Variants in CDC25A observed in about 807,000 individuals in gnomAD.
The protein encoded by CDC25A is cell division cycle 25A.
Under a neutral mutation model 64.6 loss-of-function variants are expected in CDC25A, and 17 were observed. That is an observed-to-expected ratio of 0.26 (90% CI 0.18 to 0.39). The LOEUF is 0.39. Among genes scored for constraint, CDC25A ranks in the 10% least tolerant of loss-of-function variants. The probability of loss-of-function intolerance (pLI) is 1.00; values close to 1 mark genes in which losing one functional copy is unlikely to be tolerated. For synonymous variants in CDC25A, 229 were observed against 238.6 expected (o/e 0.96, Z 0.37); for missense variants, 473 against 654.8 (o/e 0.72, Z 3.03).
intron 13 of CDC25A, among the ~76,000 whole-genome samples, chr3:48,160,766 T>C (rs113105373): frequency 1.3e-5 from 2 of 152,288 alleles, no homozygotes; most frequent in African/African-American, 2.4e-5. Context: ...TGATTTTCTC[T>C]TGAAGCTCAG....
At chr3:48,173,244 A>T (rs2032335552) in intron 9 of CDC25A, among the ~76,000 whole-genome samples, 4 of 152,082 alleles carry the variant, frequency 2.6e-5, no homozygotes, top group Admixed American at 2.6e-4. Context: ...CCTTTATAAA[A>T]ATCAAGTATT....
At chr3:48,167,767 G>T (rs1165923172) in intron 10 of CDC25A, 79 bp downstream of exon 10, 1 of 800,590 alleles carries the variant, frequency 1.2e-6, no homozygotes, top group Non-Finnish European at 2.2e-6. Context: ...ACCACCCTGG[G>T]GAGGGAGACA....
rs895637377 is a variant in CDC25A at position 48,178,853 on chromosome 3, C to G, written c.550-865G>C. Among the ~76,000 whole-genome samples the G allele has an allele frequency of 2.0e-5, 3 of 152,112 alleles. No homozygotes were observed. In the East Asian group the frequency reaches 5.8e-4, roughly 29 times the overall value. ...ATCCACACCTGAAGATAAATCCTAC[C>G]AATACAAACACTGCTAATACTGAAT... On this transcript the variant is annotated intron_variant, in intron 6 of 14. Coordinates refer to ENST00000302506, the MANE Select transcript of CDC25A (RefSeq NM_001789.3).
At chr3:48,164,895 C>T (rs1031748093) in intron 12 of CDC25A, among the ~76,000 whole-genome samples, 1 of 150,926 alleles carries the variant, frequency 6.6e-6, no homozygotes, top group East Asian at 1.9e-4. Context: ...TTTGCCTGAG[C>T]TCAGGAGTTT....
chr3:48,162,534 C>G (rs1475359515), intron 13 of CDC25A, among the ~76,000 whole-genome samples: 2 of 151,980 alleles, frequency 1.3e-5, no homozygotes, highest in Admixed American at 6.6e-5. Context: ...CCAGCCATAA[C>G]CTCACCTCTT....
intron 8 of CDC25A, among the ~76,000 whole-genome samples, chr3:48,176,557 AT>A (rs2032469148): frequency 1.5e-4 from 22 of 145,966 alleles, no homozygotes; most frequent in African/African-American, 3.5e-4. Flanking sequence ...ATATATATAT[AT>A]AAAATATATA....
intron 6 of CDC25A, among the ~76,000 whole-genome samples, chr3:48,179,454 C>T (rs898515272): frequency 4.6e-5 from 7 of 152,168 alleles, no homozygotes; most frequent in African/African-American, 1.7e-4. Flanking sequence ...ACTGCAGCCT[C>T]GAATTCTTGG....
chr3:48,181,089 G>A (rs568460390), intron 5 of CDC25A, among the ~76,000 whole-genome samples: 3 of 152,146 alleles, frequency 2.0e-5, no homozygotes, highest in African/African-American at 7.2e-5. Context: ...TACAAAACAC[G>A]ATGAATAAGC....
At chr3:48,160,874 G>A (rs1033808101) in intron 13 of CDC25A, among the ~76,000 whole-genome samples, 5 of 152,060 alleles carry the variant, frequency 3.3e-5, no homozygotes, top group Non-Finnish European at 5.9e-5. Context: ...AAGGAGTTTG[G>A]CTGGGCGCGG....
chr3:48,184,720 A>T, intron 2 of CDC25A, 25 bp from the exon 3 acceptor site: 2 of 1,544,720 alleles, frequency 1.3e-6, no homozygotes, highest in Non-Finnish European at 1.8e-6. Context: ...AAAACCTCTC[A>T]AGAAATAATA....
At position 48,174,269 on chromosome 3, in the gene CDC25A, A is replaced by G; in HGVS notation, c.930+15T>C. 1 of 1,597,234 alleles carries G rather than the reference A, an allele frequency of 6.3e-7. No individual in the cohort carries two copies. The highest frequency in any genetic ancestry group is 8.5e-7 in the Non-Finnish European group (1 of 1,174,660). ...AGTATCTGTGCTAGAGCAAAAAGGA[A>G]CCTAGGAAACTAACCTCATGGGCCT... On this transcript the variant is annotated intron_variant, in intron 9 of 14. Coordinates refer to ENST00000302506, the MANE Select transcript of CDC25A (RefSeq NM_001789.3).
At chr3:48,172,367 TGAG>T (rs2106722732) in intron 9 of CDC25A, among the ~76,000 whole-genome samples, 1 of 152,374 alleles carries the variant, frequency 6.6e-6, no homozygotes, top group Non-Finnish European at 1.5e-5. Context: ...AAGACTGTGA[TGAG>T]ATTTACTTAA....
rs533415001 is a variant in CDC25A, at chr3:48,163,315, A to G, written c.1322+992T>C. Among the ~76,000 whole-genome samples the G allele has an allele frequency of 3.3e-4, 49 of 150,720 alleles. No individual in the cohort carries two copies. The East Asian group carries it at 7.7e-3, about 24-fold the overall frequency. On this transcript the variant is annotated intron_variant, in intron 13 of 14. Coordinates refer to ENST00000302506, the MANE Select transcript of CDC25A (RefSeq NM_001789.3). ...AAAAAAAAAAAAGAAAGAAAGAAAG[A>G]AAGAAAAAGCCAGGTGCAGTGGCTC...
intron 14 of CDC25A, 48 bp downstream of exon 14, chr3:48,159,296 C>T: frequency 7.1e-7 from 1 of 1,416,244 alleles, no homozygotes; most frequent in East Asian, 2.3e-5. Flanking sequence ...CATTAGTCTA[C>T]CACTGGGGGC....
At chr3:48,172,615 C>T (rs1392852382) in intron 9 of CDC25A, among the ~76,000 whole-genome samples, 2 of 152,238 alleles carry the variant, frequency 1.3e-5, no homozygotes, top group African/African-American at 4.8e-5. Context: ...ATGATCCTGG[C>T]ACTTTGGGAG....
chr3:48,161,150 TC>T (rs2031743233), intron 13 of CDC25A: 1 of 40,088 alleles, frequency 2.5e-5, no homozygotes, highest in Non-Finnish European at 4.2e-5. Flanking sequence ...AGATTCCAAC[TC>T]AAAAAAAAAA....
At position 48,186,726 on chromosome 3, in the gene CDC25A, C is replaced by A; in HGVS notation, c.224G>T (p.Gly75Val). ...VKNNSNLQRM[G>V]SSESTDSGFC... ...ACCTGAATCTGTTGACTCGGAGGAG[C>A]CCATTCTCTGCAGATTACTGTTGTT... The change falls in exon 2 of 15, where the codon GGC becomes GTC. Residue 75 changes from glycine (G) to valine (V), a missense_variant. Around this residue, in one of 2 missense-constraint regions of CDC25A, gnomAD observed 376 missense variants for 431.9 expected, o/e 0.87. Transcript: ENST00000302506. The A allele has an allele frequency of 6.2e-7, 1 of 1,601,254 alleles. No homozygotes were observed.
At chr3:48,160,681 G>T (rs1452598107) in intron 13 of CDC25A, among the ~76,000 whole-genome samples, 1 of 151,816 alleles carries the variant, frequency 6.6e-6, no homozygotes, top group Non-Finnish European at 1.5e-5. Flanking sequence ...GAGATTTTTT[G>T]GTCTGTTTTG....
At position 48,165,657 on chromosome 3, in the gene CDC25A, T is replaced by C. The variant is rs2106700712; in HGVS notation, c.1170A>G (p.Glu390=). 1 of 1,613,512 alleles carries C rather than the reference T, an allele frequency of 6.2e-7. No homozygotes were observed. Among genetic ancestry groups the C allele is most frequent in the East Asian group, 2.2e-5 (1 of 44,880 alleles). The part of the protein sequence containing the change: ...FVIIDCRYPY[E]YEGGHIKGAV... The stretch of plus-strand genomic sequence containing the variant: ...ATACCTTGATGTGGCCTCCCTCGTA[T>C]TCATATGGGTATCGACAGTCGATGA... Residue 390 remains glutamate, a synonymous_variant, in exon 12 of 15, where the codon GAA becomes GAG. Coordinates refer to ENST00000302506, the MANE Select transcript of CDC25A (RefSeq NM_001789.3).
Sources: gnomAD v4.1 joint callset for allele counts (sites outside exome capture counted in the v4.1 genomes callset) on GRCh38, gnomAD v4.1.1 for gene constraint, gnomAD v4.1.1 regional missense constraint, MANE v1.5 for transcripts, NCBI Gene and HGNC (gene_info 2026-07-23, HGNC 2026-07-21) for gene names.